KIAA2012: variants seen among roughly 807,000 people sequenced by gnomAD.
KIAA2012 encodes uncharacterized protein KIAA2012.
KIAA2012 carries 125 observed loss-of-function variants against 150.6 expected under a neutral mutation model. That is an observed-to-expected ratio of 0.83 (90% CI 0.72 to 0.96). The LOEUF is 0.96. Among genes scored for constraint, KIAA2012 ranks in the 40% least tolerant of loss-of-function variants. KIAA2012 has a pLI of 0.00. For missense variants in KIAA2012, 1,219 were observed against 1,354.9 expected, an observed-to-expected ratio of 0.90 and a Z score of 1.57; for synonymous variants, 462 against 504.7, an observed-to-expected ratio of 0.92 and a Z score of 1.13.
chr2:202,090,640 T>G, intron 2 of KIAA2012, 130 bp from the exon 3 acceptor site: 1 of 1,016,004 alleles, frequency 9.8e-7, no homozygotes, highest in Non-Finnish European at 1.4e-6. Flanking sequence ...CCGAGGCATC[T>G]GTTTTTGGTG....
At chr2:202,076,838 C>G (rs966033639) in intron 2 of KIAA2012, 1 of 396,868 alleles carries the variant, frequency 2.5e-6, no homozygotes, top group African/African-American at 2.1e-5. Flanking sequence ...CTCAGATTCC[C>G]TCTGTTCCCT....
chr2:202,157,866 A>G (rs1271919040), intron 14 of KIAA2012, among the ~76,000 whole-genome samples: 1 of 152,130 alleles, frequency 6.6e-6, no homozygotes, highest in African/African-American at 2.4e-5. Context: ...TTCCATTCCT[A>G]TGGACACATT....
chr2:202,194,420 A>AGTT, intron 21 of KIAA2012, 58 bp downstream of exon 21: 1 of 1,532,546 alleles, frequency 6.5e-7, no homozygotes, highest in Non-Finnish European at 8.8e-7. Context: ...AAACACTTTT[A>AGTT]TCCAGCTGTG....
intron 15 of KIAA2012, among the ~76,000 whole-genome samples, chr2:202,182,366 C>A (rs1452903817): frequency 6.6e-6 from 1 of 152,000 alleles, no homozygotes; most frequent in African/African-American, 2.4e-5. Context: ...TTGCCTCAGC[C>A]CCCCAAAAGT....
chr2:202,201,561 C>T (rs1267926239), intron 22 of KIAA2012: 1 of 1,610,346 alleles, frequency 6.2e-7, no homozygotes, highest in Non-Finnish European at 8.5e-7. Flanking sequence ...TGCATCATAC[C>T]CGCCTTCCAC....
chr2:202,092,507 C>T (rs1435409069), intron 3 of KIAA2012, among the ~76,000 whole-genome samples: 1 of 152,202 alleles, frequency 6.6e-6, no homozygotes, highest in African/African-American at 2.4e-5. Flanking sequence ...CCATACAGAA[C>T]ACAAGAGAGC....
chr2:202,149,938 C>G (rs1283646455), intron 13 of KIAA2012, among the ~76,000 whole-genome samples: 1 of 152,190 alleles, frequency 6.6e-6, no homozygotes, highest in Non-Finnish European at 1.5e-5. Context: ...AGAAAGGAAA[C>G]AGTAAGATGC....
intron 12 of KIAA2012, among the ~76,000 whole-genome samples, chr2:202,126,106 C>A (rs1291622551): frequency 6.6e-6 from 1 of 151,952 alleles, no homozygotes; most frequent in Non-Finnish European, 1.5e-5. Flanking sequence ...AGGCGCCTGC[C>A]ACCAAGCCTG....
At position 202,138,392 on chromosome 2, in the gene KIAA2012, G is replaced by T; in HGVS notation, c.1832-40G>T. 3 of 1,452,432 alleles carry T rather than the reference G, an allele frequency of 2.1e-6. No homozygotes were observed. In the South Asian group the frequency reaches 3.7e-5, roughly 18 times the overall value. 90.0% of individuals were successfully genotyped at this position (1,452,432 alleles called of 1,614,324 possible). A position where few individuals can be genotyped will look rare whatever the true frequency, so the allele number is the denominator to read the frequency against. The stretch of plus-strand genomic sequence containing the variant: ...ATAAAAAGTCATGAGATCCAGATCT[G>T]ACCACCTTGATCTTTTTTCCTCTTT... On this transcript the variant is annotated intron_variant, in intron 12 of 23. Transcript: ENST00000498697.
chr2:202,111,047 G>C (rs1480275776), intron 10 of KIAA2012, among the ~76,000 whole-genome samples: 1 of 152,122 alleles, frequency 6.6e-6, no homozygotes, highest in Non-Finnish European at 1.5e-5. Context: ...TGACAGCAAT[G>C]CTCTTTTCAT....
At position 202,093,018 on chromosome 2, in the gene KIAA2012, TC is replaced by T. The variant is rs1689766183; in HGVS notation, c.530-11del. The T allele has an allele frequency of 3.2e-6, 5 of 1,547,152 alleles. No homozygotes were observed. In the African/African-American group the frequency reaches 6.9e-5, roughly 21 times the overall value. On this transcript the variant is annotated splice_polypyrimidine_tract_variant and intron_variant, in intron 3 of 23. Coordinates refer to ENST00000498697, the MANE Select transcript of KIAA2012 (RefSeq NM_001277372.4). ...CACTATTTCTATCAATATCTCCTGA[TC>T]TACTCTTCAGGATACATCAAGGATT...
intron 10 of KIAA2012, among the ~76,000 whole-genome samples, chr2:202,110,353 T>C (rs1331305633): frequency 6.6e-6 from 1 of 152,178 alleles, no homozygotes; most frequent in Non-Finnish European, 1.5e-5. Flanking sequence ...AGAGCAATAA[T>C]GCAAGGACAG....
intron 23 of KIAA2012, among the ~76,000 whole-genome samples, chr2:202,203,367 G>A (rs755761488): frequency 1.6e-4 from 24 of 152,102 alleles, no homozygotes; most frequent in Non-Finnish European, 2.6e-4. Context: ...AATCTAAAAC[G>A]TAATGTCTAT....
chr2:202,131,818 G>A (rs1690936424), intron 12 of KIAA2012, among the ~76,000 whole-genome samples: 1 of 152,180 alleles, frequency 6.6e-6, no homozygotes, highest in Admixed American at 6.5e-5. Context: ...TACATGCAGG[G>A]GAAGGAGTGA....
chr2:202,117,994 G>A (rs186801825), intron 11 of KIAA2012, among the ~76,000 whole-genome samples: 12 of 151,944 alleles, frequency 7.9e-5, no homozygotes, highest in African/African-American at 2.9e-4. Context: ...AACATGGCAT[G>A]TTTCTAAATA....
chr2:202,151,253 C>T (rs976216444), intron 13 of KIAA2012, among the ~76,000 whole-genome samples: 6 of 151,826 alleles, frequency 4.0e-5, no homozygotes, highest in African/African-American at 9.7e-5. Context: ...AAAAATTAGC[C>T]GGGCATGGTG....
chr2:202,102,689 A>G (rs1690077824), intron 7 of KIAA2012, among the ~76,000 whole-genome samples: 1 of 152,204 alleles, frequency 6.6e-6, no homozygotes, highest in African/African-American at 2.4e-5. Flanking sequence ...AAGACTTTAT[A>G]TCCTCTCAAA....
At chr2:202,203,248 T>G (rs556564235) in intron 23 of KIAA2012, among the ~76,000 whole-genome samples, 1 of 152,168 alleles carries the variant, frequency 6.6e-6, no homozygotes, top group Non-Finnish European at 1.5e-5. Flanking sequence ...TAAATGAAAA[T>G]TTTGTAATGC....
chr2:202,154,894 C>A, intron 14 of KIAA2012, 84 bp downstream of exon 14: 1 of 1,414,866 alleles, frequency 7.1e-7, no homozygotes, highest in Non-Finnish European at 9.3e-7. Flanking sequence ...GGTACAAAAA[C>A]AGCTTCAGAA....
Sources: allele counts gnomAD v4.1 joint callset (sites outside exome capture counted in the v4.1 genomes callset), GRCh38; gene constraint gnomAD v4.1.1; transcripts MANE v1.5; gene names NCBI Gene and HGNC (gene_info 2026-07-23, HGNC 2026-07-21).